The following TBL1XR1 variants were observed in gnomAD, a reference collection of about 807,000 sequenced individuals.
The protein encoded by TBL1XR1 is F-box-like/WD repeat-containing protein TBL1XR1.
Under a neutral mutation model 66.9 loss-of-function variants are expected in TBL1XR1, and 5 were observed. The observed-to-expected ratio is 0.07, with a 90% CI of 0.04 to 0.16. TBL1XR1 has a LOEUF of 0.16. TBL1XR1 is among the 10% of genes least tolerant of loss of function. The probability of loss-of-function intolerance (pLI) is 1.00; values close to 1 mark genes in which losing one functional copy is unlikely to be tolerated. For missense variants in TBL1XR1, 238 were observed against 623.2 expected (o/e 0.38, Z 6.58); for synonymous variants, 210 against 206.0 (o/e 1.02, Z -0.17).
chr3:177,150,920 C>T (rs1052158201), intron 1 of TBL1XR1, among the ~76,000 whole-genome samples: 1 of 152,130 alleles, frequency 6.6e-6, no homozygotes, highest in African/African-American at 2.4e-5. Context: ...TGAGATCGGA[C>T]CTCACTGTAT....
intron 1 of TBL1XR1, chr3:177,161,030 T>A (rs1732149318): frequency 6.6e-6 from 1 of 151,968 alleles, no homozygotes; most frequent in Non-Finnish European, 1.5e-5. Flanking sequence ...AAACATTCTC[T>A]AGAAATGTAA....
At chr3:177,112,296 T>A (rs190135358) in intron 1 of TBL1XR1, among the ~76,000 whole-genome samples, 1 of 150,402 alleles carries the variant, frequency 6.6e-6, no homozygotes, top group African/African-American at 2.4e-5. Context: ...TTAGTAGAGG[T>A]GGGGTTTTGA....
chr3:177,143,671 GTAAATGAGCAAAC>G (rs1258533342), intron 1 of TBL1XR1, among the ~76,000 whole-genome samples: 1 of 152,138 alleles, frequency 6.6e-6, no homozygotes, highest in Non-Finnish European at 1.5e-5. Flanking sequence ...TGTGAAGTAG[GTAAATGAGCAAAC>G]TTTCAAGGTG....
At chr3:177,084,195 G>T (rs142960698) in intron 2 of TBL1XR1, among the ~76,000 whole-genome samples, 2 of 152,062 alleles carry the variant, frequency 1.3e-5, no homozygotes, top group East Asian at 3.8e-4. Context: ...GTATGTACCT[G>T]AGTAACGTAA....
At chr3:177,164,276 G>T (rs1206923223) in intron 1 of TBL1XR1, among the ~76,000 whole-genome samples, 1 of 151,830 alleles carries the variant, frequency 6.6e-6, no homozygotes, top group Non-Finnish European at 1.5e-5. Context: ...ATTCCCTCCT[G>T]CAAAGACCTT....
intron 1 of TBL1XR1, among the ~76,000 whole-genome samples, chr3:177,137,179 G>C (rs2108807023): frequency 6.6e-6 from 1 of 152,308 alleles, no homozygotes; most frequent in South Asian, 2.1e-4. Flanking sequence ...ATATACTAAA[G>C]AAGTAATGTA....
chr3:177,124,126 A>C lies in TBL1XR1; in HGVS notation c.-121-25585T>G, dbSNP rs187256647. Among the ~76,000 whole-genome samples, 149 of 152,218 alleles carry C rather than the reference A, an allele frequency of 9.8e-4. 1 individual carries two copies. Among genetic ancestry groups the C allele is most frequent in the African/African-American group, 3.4e-3 (140 of 41,572 alleles). On this transcript the variant is annotated intron_variant, in intron 1 of 15. Transcript: ENST00000457928. The stretch of plus-strand genomic sequence containing the variant: ...AAGCGATGAGACCAATTTTCAGGGT[A>C]AGGCATAATAACATTAGCTAATCAA...
chr3:177,167,913 C>T (rs1024243715), intron 1 of TBL1XR1, among the ~76,000 whole-genome samples: 7 of 151,486 alleles, frequency 4.6e-5, no homozygotes, highest in Non-Finnish European at 8.8e-5. Flanking sequence ...GCAACAAGAG[C>T]GAAACACTGT....
At chr3:177,199,003 C>A (rs533850799), upstream of TBL1XR1, among the ~76,000 whole-genome samples, 1 of 152,072 alleles carries the variant, frequency 6.6e-6, no homozygotes, top group Non-Finnish European at 1.5e-5. Flanking sequence ...CTCTTTCCCC[C>A]CTGAGCCCTT....
rs1380130668 is a variant in TBL1XR1 at position 177,047,412 on chromosome 3, A to G, written c.767-15T>C. 1 of 1,595,602 alleles carries G rather than the reference A, an allele frequency of 6.3e-7. No individual in the cohort carries two copies. The highest frequency in any genetic ancestry group is 1.1e-5 in the South Asian group (1 of 88,786). ...AGCAAGGTTACCTAAAATGCAAAAG[A>G]AAAACATTAACATTATTTTAAATTT... On this transcript the variant is annotated splice_polypyrimidine_tract_variant and intron_variant, in intron 8 of 15. Transcript: ENST00000457928.
intron 1 of TBL1XR1, among the ~76,000 whole-genome samples, chr3:177,168,194 A>G (rs978392777): frequency 6.6e-6 from 1 of 152,248 alleles, no homozygotes; most frequent in African/African-American, 2.4e-5. Context: ...TTCTAATTAA[A>G]GTGTTCATTT....
At chr3:177,122,401 G>C (rs1168985538) in intron 1 of TBL1XR1, among the ~76,000 whole-genome samples, 3 of 151,914 alleles carry the variant, frequency 2.0e-5, no homozygotes, top group African/African-American at 4.8e-5. Flanking sequence ...TAAGAGAAGA[G>C]CATCAAGAAG....
At chr3:177,027,398 TAAC>T (rs1425413460) in intron 14 of TBL1XR1, 7 of 152,256 alleles carry the variant, frequency 4.6e-5, no homozygotes, top group Admixed American at 1.3e-4. Flanking sequence ...ATCATAAATG[TAAC>T]AACGTTATTT....
intron 14 of TBL1XR1, among the ~76,000 whole-genome samples, chr3:177,028,897 A>G (rs955298728): frequency 6.6e-6 from 1 of 152,214 alleles, no homozygotes; most frequent in Non-Finnish European, 1.5e-5. Context: ...CTGCATATAC[A>G]TGAACTAGGT....
intron 1 of TBL1XR1, among the ~76,000 whole-genome samples, chr3:177,162,041 T>A (rs974946367): frequency 1.3e-5 from 2 of 152,190 alleles, no homozygotes; most frequent in African/African-American, 4.8e-5. Context: ...CTTTGAGGAA[T>A]GGTTATAGCA....
intron 1 of TBL1XR1, among the ~76,000 whole-genome samples, chr3:177,107,971 G>A: frequency 6.7e-6 from 1 of 150,180 alleles, no homozygotes; most frequent in East Asian, 1.9e-4. Flanking sequence ...AGTAGCCACA[G>A]ACAATACATT....
intron 3 of TBL1XR1, among the ~76,000 whole-genome samples, chr3:177,057,348 A>G (rs1717934893): frequency 6.6e-6 from 1 of 152,172 alleles, no homozygotes. Context: ...CTGTGTGGCT[A>G]TGGTTGTTTG....
rs1728854574 is a variant in TBL1XR1 at position 177,135,362 on chromosome 3, TA to T, written c.-121-36822del. On this transcript the variant is annotated intron_variant, in intron 1 of 15. Transcript: ENST00000457928. ...ACATATATATATATATATATATATA[TA>T]TATATATATATATATATATGTATGT... is the stretch of plus-strand genomic sequence containing the variant. Among the ~76,000 whole-genome samples, 3 of 33,342 alleles carry T rather than the reference TA, an allele frequency of 9.0e-5. No homozygotes were observed. The South Asian group carries it at 3.0e-3, about 34-fold the overall frequency. The allele number at this position is 33,342 out of a possible 152,430, so 21.9% of individuals were successfully genotyped here. A position where few individuals can be genotyped will look rare whatever the true frequency, so the allele number is the denominator to read the frequency against.
intron 12 of TBL1XR1, among the ~76,000 whole-genome samples, chr3:177,035,663 G>A (rs760456960): frequency 1.4e-4 from 22 of 152,114 alleles, no homozygotes; most frequent in Middle Eastern, 6.8e-3. Context: ...AACTGCCCAC[G>A]TCGGCCTCCC....
Sources: gnomAD v4.1 joint callset for allele counts (sites outside exome capture counted in the v4.1 genomes callset) on GRCh38, gnomAD v4.1.1 for gene constraint, MANE v1.5 for transcripts, NCBI Gene and HGNC (gene_info 2026-07-23, HGNC 2026-07-21) for gene names.